TUBA8: variants seen among roughly 807,000 people sequenced by gnomAD.
The protein encoded by TUBA8 is tubulin alpha 8, also known as tubulin alpha-8 chain.
In TUBA8, 29 loss-of-function variants were observed where a neutral mutation model predicts 34.7. The ratio of observed to expected loss-of-function variants is 0.84; its 90% confidence interval spans 0.62 to 1.14. The LOEUF (loss-of-function observed/expected upper bound fraction) is 1.14, where lower values mean the gene tolerates loss of function less well. TUBA8 is among the 50% of genes most tolerant of loss of function. TUBA8 has a pLI of 0.00. For missense variants in TUBA8, 541 were observed against 599.2 expected (o/e 0.90, Z 1.01); for synonymous variants, 226 against 231.2 (o/e 0.98, Z 0.21).
chr22:18,114,361 C>T (rs1350051390), intron 1 of TUBA8: 1 of 152,272 alleles, frequency 6.6e-6, no homozygotes, highest in Non-Finnish European at 1.5e-5. Context: ...CTCCTGTGAG[C>T]TCTGTTGCTG....
intron 2 of TUBA8, chr22:18,123,083 C>T (rs1602495292): frequency 9.0e-6 from 1 of 110,932 alleles, no homozygotes. Flanking sequence ...GCACTCCAGC[C>T]TGGGCGACAG....
chr22:18,127,041 G>T lies in TUBA8; in HGVS notation c.1056+7G>T. 1.2e-6 allele frequency: 2 copies of T among 1,614,108 alleles called. No homozygotes were observed. Among genetic ancestry groups the T allele is most frequent in the Non-Finnish European group, 1.7e-6 (2 of 1,180,024 alleles). ...GTGTCCCACAGGCTTCAAGGTGAGA[G>T]CTGATGACTTAGGAAGGGGAGAGAG... is the stretch of plus-strand genomic sequence containing the variant. On this transcript the variant is annotated splice_region_variant and intron_variant, in intron 4 of 4. Coordinates refer to ENST00000330423, the MANE Select transcript of TUBA8 (RefSeq NM_018943.3).
At chr22:18,130,762 G>C in intron 4 of TUBA8, 81 bp from the exon 5 acceptor site, 1 of 1,590,812 alleles carries the variant, frequency 6.3e-7, no homozygotes, top group Non-Finnish European at 8.6e-7. Context: ...CATGCCAAGT[G>C]ACCAAGATGT....
intron 1 of TUBA8, chr22:18,115,909 G>A (rs1156854335): frequency 1.3e-5 from 2 of 152,310 alleles, no homozygotes; most frequent in East Asian, 3.9e-4. Context: ...GAAGAAGTTG[G>A]GTGGGACAGG....
At chr22:18,120,767 C>T (rs1420087062) in intron 1 of TUBA8, 1 of 152,678 alleles carries the variant, frequency 6.5e-6, no homozygotes, top group Non-Finnish European at 1.5e-5. Flanking sequence ...GCTGTTAGTA[C>T]GAATACCAAT....
At chr22:18,125,383 C>G (rs1928280414) in intron 3 of TUBA8, 1 of 151,940 alleles carries the variant, frequency 6.6e-6, no homozygotes, top group African/African-American at 2.4e-5. Flanking sequence ...GGCATGGTAG[C>G]ATGCGCCTGT....
chr22:18,123,963 C>T (rs1353248845), intron 2 of TUBA8, 193 bp from the exon 3 acceptor site: 4 of 666,510 alleles, frequency 6.0e-6, no homozygotes, highest in African/African-American at 5.3e-5. Context: ...AGCCACAGGC[C>T]TTGGCTCTGT....
In TUBA8 at chr22:18,121,853, G is replaced by T; in HGVS notation, c.226+152G>T. The T allele has an allele frequency of 1.4e-6, 1 of 699,794 alleles. No individual in the cohort carries two copies. 43.3% of individuals were successfully genotyped at this position (699,794 alleles called of 1,614,324 possible). A position where few individuals can be genotyped will look rare whatever the true frequency, so the allele number is the denominator to read the frequency against. ...CCACGTGACATCTGTCAGCTCCTTG[G>T]GGTCCCCACAGTCTCGGGGAATCTC... On this transcript the variant is annotated intron_variant, in intron 2 of 4. Transcript: ENST00000330423. This position sits in a 1 kb window ranked among gnomAD's most constrained non-coding sequence, Gnocchi z 4.8.
At position 18,131,211 on chromosome 22, in the gene TUBA8, C is replaced by A; in HGVS notation, c.*75C>A. 1 of 1,501,560 alleles carries A rather than the reference C, an allele frequency of 6.7e-7. No individual in the cohort carries two copies. Among genetic ancestry groups the A allele is most frequent in the Non-Finnish European group, 9.2e-7 (1 of 1,085,444 alleles). 93.0% of individuals were successfully genotyped at this position (1,501,560 alleles called of 1,614,324 possible). On this transcript the variant is annotated 3_prime_UTR_variant, in exon 5 of 5. Transcript: ENST00000330423. The surrounding 1 kb of genome is among the most constrained non-coding windows in gnomAD (Gnocchi z 5.3). ...AAAGCACATGTTCAAGAGAACAGAA[C>A]ACTCTCCCCGCCCCAGCCTGATTCC... is the stretch of plus-strand genomic sequence containing the variant.
Position 18,131,239 on chromosome 22 carries a change from C to T in TUBA8, c.*103C>T. 1.5e-6 allele frequency: 2 copies of T among 1,340,610 alleles called. No homozygotes were observed. Among genetic ancestry groups the T allele is most frequent in the Non-Finnish European group, 2.1e-6 (2 of 953,600 alleles). The allele number at this position is 1,340,610 out of a possible 1,614,324, so 83.0% of individuals were successfully genotyped here. On this transcript the variant is annotated 3_prime_UTR_variant, in exon 5 of 5. Coordinates refer to ENST00000330423, the MANE Select transcript of TUBA8 (RefSeq NM_018943.3). This position sits in a 1 kb window ranked among gnomAD's most constrained non-coding sequence, Gnocchi z 5.3. The stretch of plus-strand genomic sequence containing the variant: ...TCTCCCCGCCCCAGCCTGATTCCTG[C>T]CTTACCCAGGAGGAGGGTGCCTGGC...
At position 18,124,250 on chromosome 22, in the gene TUBA8, C is replaced by T. The variant is rs569204157; in HGVS notation, c.321C>T (p.His107=). The change falls in exon 3 of 5, where the codon CAC becomes CAT. Residue 107 remains histidine, a synonymous_variant. Transcript: ENST00000330423. This position sits in a 1 kb window ranked among gnomAD's most constrained non-coding sequence, Gnocchi z 4.3. ...EDAANNYARG[H]YTVGKESIDL... is the part of the protein sequence containing the mutation. ...CAGCCAACAACTATGCCCGGGGCCA[C>T]TACACGGTGGGCAAGGAGAGCATTG... 5.5e-5 allele frequency: 88 copies of T among 1,614,176 alleles called. 3 individuals are homozygous for T. The South Asian group carries it at 7.2e-4, about 13-fold the overall frequency.
At chr22:18,116,885 G>A (rs1927992946) in intron 1 of TUBA8, 1 of 152,218 alleles carries the variant, frequency 6.6e-6, no homozygotes, top group South Asian at 2.1e-4. Context: ...CAGAGTGCTG[G>A]GGCTGGGCAC....
chr22:18,126,259 A>G lies in TUBA8; in HGVS notation c.376-95A>G, dbSNP rs1928312171. The G allele has an allele frequency of 2.6e-6, 3 of 1,172,616 alleles. No homozygotes were observed. The highest frequency in any genetic ancestry group is 2.5e-5 in the South Asian group (2 of 78,468). The allele number at this position is 1,172,616 out of a possible 1,614,324, so 72.6% of individuals were successfully genotyped here. ...GTTTTGATTTCATCCACAAAAAAAT[A>G]TGAGGCAGACAGAGTGGGCGGTCTG... On this transcript the variant is annotated intron_variant, in intron 3 of 4. Transcript: ENST00000330423. The surrounding 1 kb of genome is among the most constrained non-coding windows in gnomAD (Gnocchi z 4.0).
In TUBA8 at chr22:18,121,859, C is replaced by T; in HGVS notation, c.226+158C>T. On this transcript the variant is annotated intron_variant, in intron 2 of 4. Coordinates refer to ENST00000330423, the MANE Select transcript of TUBA8 (RefSeq NM_018943.3). The surrounding 1 kb of genome is among the most constrained non-coding windows in gnomAD (Gnocchi z 4.8). ...GACATCTGTCAGCTCCTTGGGGTCC[C>T]CACAGTCTCGGGGAATCTCATGACA... 1.5e-6 allele frequency: 1 copy of T among 678,622 alleles called. No individual in the cohort carries two copies. The highest frequency in any genetic ancestry group is 2.5e-6 in the Non-Finnish European group (1 of 394,972). The allele number at this position is 678,622 out of a possible 1,614,324, so 42.0% of individuals were successfully genotyped here.
chr22:18,123,110 CAAAAAAAAAAAAAAAAA>C (rs1189653081), intron 2 of TUBA8: 1 of 21,188 alleles, frequency 4.7e-5, no homozygotes, highest in Non-Finnish European at 1.0e-4. Flanking sequence ...ACCCCGTCTC[CAAAAAAAAAAAAAAAAA>C]AAAAAAAAAA....
Position 18,118,496 on chromosome 22 carries a change from C to A in TUBA8, c.4-2983C>A, listed in dbSNP as rs1009445058. 2.6e-5 allele frequency: 4 copies of A among 152,220 alleles called. No homozygotes were observed. Among genetic ancestry groups the A allele is most frequent in the Non-Finnish European group, 5.9e-5 (4 of 68,068 alleles). 9.4% of individuals were successfully genotyped at this position (152,220 alleles called of 1,614,324 possible). ...GGTGCTTGGGCAGCCCCTTGGTTAG[C>A]CTCCGTGCCTCCAGGCGCTATGCGA... On this transcript the variant is annotated intron_variant, in intron 1 of 4. Transcript: ENST00000330423. The surrounding 1 kb of genome is among the most constrained non-coding windows in gnomAD (Gnocchi z 4.0).
chr22:18,131,605 AC>A lies in TUBA8; in HGVS notation c.*470del. ...CATCATCTAGACTTAGCATGCATTC[AC>A]TCCCCCATCACATATTCCAATACAC... On this transcript the variant is annotated 3_prime_UTR_variant, in exon 5 of 5. Transcript: ENST00000330423. The surrounding 1 kb of genome is among the most constrained non-coding windows in gnomAD (Gnocchi z 5.3). 4.8e-6 allele frequency: 1 copy of A among 208,540 alleles called. No homozygotes were observed. The highest frequency in any genetic ancestry group is 9.8e-6 in the Non-Finnish European group (1 of 102,000). 12.9% of individuals were successfully genotyped at this position (208,540 alleles called of 1,614,324 possible).
At chr22:18,112,952 G>T (rs1174227923) in intron 1 of TUBA8, 2 of 152,248 alleles carry the variant, frequency 1.3e-5, no homozygotes, top group Non-Finnish European at 2.9e-5. Flanking sequence ...TAAGGATTAA[G>T]TTTCAGGCTG....
At chr22:18,129,446 C>A (rs1928429824) in intron 4 of TUBA8, 1 of 152,202 alleles carries the variant, frequency 6.6e-6, no homozygotes, top group African/African-American at 2.4e-5. Flanking sequence ...AGTACTTGTC[C>A]CCACTTGACT....
Sources: allele counts gnomAD v4.1 joint callset, GRCh38; gene constraint gnomAD v4.1.1; non-coding constraint Gnocchi (gnomAD v3.1); transcripts MANE v1.5; gene names NCBI Gene and HGNC (gene_info 2026-07-23, HGNC 2026-07-21).